COL8A1: variants seen among roughly 807,000 people sequenced by gnomAD.
COL8A1 encodes collagen alpha-1(VIII) chain.
A neutral mutation model predicts 42.7 loss-of-function variants in COL8A1; 21 were observed. The observed-to-expected ratio is 0.49, with a 90% CI of 0.35 to 0.71. The LOEUF (loss-of-function observed/expected upper bound fraction) is 0.71, where lower values mean the gene tolerates loss of function less well. Among genes scored for constraint, COL8A1 ranks in the 30% least tolerant of loss-of-function variants. The pLI is 0.01. For synonymous variants in COL8A1, 367 were observed against 369.1 expected (o/e 0.99, Z 0.06); for missense variants, 788 against 962.4 (o/e 0.82, Z 2.40).
Position 99,642,355 on chromosome 3 carries a change from G to A in COL8A1, c.-129+3691G>A, listed in dbSNP as rs770084375. Among the ~76,000 whole-genome samples the A allele has an allele frequency of 3.9e-5, 6 of 152,116 alleles. No homozygotes were observed. The East Asian group carries it at 5.8e-4, about 15-fold the overall frequency. Reference sequence around the variant, plus strand: ...TTAGAATGTCTACAAGCCTGAAGTCGTGTGTACTCAAATTCATGAAGCCAT... The same window carrying A: ...TTAGAATGTCTACAAGCCTGAAGTCATGTGTACTCAAATTCATGAAGCCAT... On this transcript the variant is annotated intron_variant, in intron 1 of 3. Coordinates refer to ENST00000652472, the MANE Select transcript of COL8A1 (RefSeq NM_020351.4).
intron 1 of COL8A1, among the ~76,000 whole-genome samples, chr3:99,710,371 C>T (rs368477324): frequency 6.6e-6 from 1 of 152,040 alleles, no homozygotes; most frequent in Admixed American, 6.6e-5. Context: ...CCACTATCTC[C>T]GTCCCCTCCA....
At chr3:99,700,920 A>G (rs1274640638) in intron 1 of COL8A1, among the ~76,000 whole-genome samples, 2 of 152,134 alleles carry the variant, frequency 1.3e-5, no homozygotes, top group Non-Finnish European at 2.9e-5. Context: ...CCTGACTTAC[A>G]CTTGGTAAGT....
chr3:99,686,957 G>A (rs981127148), intron 1 of COL8A1, among the ~76,000 whole-genome samples: 5 of 152,102 alleles, frequency 3.3e-5, no homozygotes, highest in African/African-American at 7.2e-5. Flanking sequence ...TGCAACCCCT[G>A]CCTCCCTCCC....
At chr3:99,682,003 C>T (rs1938897344) in intron 1 of COL8A1, among the ~76,000 whole-genome samples, 1 of 152,196 alleles carries the variant, frequency 6.6e-6, no homozygotes, top group Non-Finnish European at 1.5e-5. Context: ...CTGAGTCTCA[C>T]ATAATTAGCT....
intron 1 of COL8A1, among the ~76,000 whole-genome samples, chr3:99,738,849 C>G (rs1391870235): frequency 6.6e-6 from 1 of 152,194 alleles, no homozygotes. Flanking sequence ...AGTTTGATCT[C>G]AGACTGCTGT....
intron 2 of COL8A1, among the ~76,000 whole-genome samples, chr3:99,774,139 C>T (rs921736724): frequency 2.6e-5 from 4 of 151,194 alleles, no homozygotes; most frequent in Admixed American, 6.6e-5. Flanking sequence ...GCCACCACGC[C>T]CAACCCGATA....
chr3:99,697,641 G>A (rs1296176325), intron 1 of COL8A1, among the ~76,000 whole-genome samples: 2 of 152,134 alleles, frequency 1.3e-5, no homozygotes, highest in Non-Finnish European at 2.9e-5. Flanking sequence ...TTCTAACAAT[G>A]AGGACTACAA....
At chr3:99,688,883 T>C (rs933271022) in intron 1 of COL8A1, among the ~76,000 whole-genome samples, 5 of 152,174 alleles carry the variant, frequency 3.3e-5, no homozygotes, top group Admixed American at 1.3e-4. Context: ...GGCTGACCTG[T>C]GCATTGTGAG....
intron 1 of COL8A1, among the ~76,000 whole-genome samples, chr3:99,733,442 T>A (rs1940589465): frequency 6.9e-6 from 1 of 144,526 alleles, no homozygotes; most frequent in Non-Finnish European, 1.5e-5. Context: ...AATGATGATT[T>A]CCAATTTCAT....
Position 99,672,427 on chromosome 3 carries a change from G to A in COL8A1, c.-129+33763G>A, listed in dbSNP as rs557745571. Among the ~76,000 whole-genome samples the A allele has an allele frequency of 2.0e-5, 3 of 151,706 alleles. No individual in the cohort carries two copies. In the Middle Eastern group the frequency reaches 0.01, roughly 516 times the overall value. On this transcript the variant is annotated intron_variant, in intron 1 of 3. Coordinates refer to ENST00000652472, the MANE Select transcript of COL8A1 (RefSeq NM_020351.4). Reference sequence around the variant, plus strand: ...TTTATCTCATTGGATTACATTCTGAGTGCTTTCTTTATGTAGTCAGCTTAT... The same window carrying A: ...TTTATCTCATTGGATTACATTCTGAATGCTTTCTTTATGTAGTCAGCTTAT...
chr3:99,682,217 C>A (rs1200018137), intron 1 of COL8A1, among the ~76,000 whole-genome samples: 1 of 152,048 alleles, frequency 6.6e-6, no homozygotes, highest in Non-Finnish European at 1.5e-5. Flanking sequence ...GAGTTCAAGA[C>A]CAGCTTGGGC....
At chr3:99,747,644 A>C (rs758823644) in intron 2 of COL8A1, among the ~76,000 whole-genome samples, 8 of 152,192 alleles carry the variant, frequency 5.3e-5, no homozygotes, top group Non-Finnish European at 1.2e-4. Flanking sequence ...ATATTATACG[A>C]CAGCAATAAA....
At chr3:99,716,640 A>G (rs771611063) in intron 1 of COL8A1, among the ~76,000 whole-genome samples, 5 of 151,998 alleles carry the variant, frequency 3.3e-5, no homozygotes, top group Non-Finnish European at 7.4e-5. Context: ...CGGATGACTC[A>G]TGATCCCCCT....
chr3:99,735,487 C>T (rs1940675854), intron 1 of COL8A1, among the ~76,000 whole-genome samples: 1 of 144,126 alleles, frequency 6.9e-6, no homozygotes, highest in South Asian at 2.3e-4. Flanking sequence ...AGCCTTGCAT[C>T]TCAGGGATGA....
At position 99,796,999 on chromosome 3, in the gene COL8A1, T is replaced by G. The variant is rs986865710; in HGVS notation, c.*863T>G. On this transcript the variant is annotated 3_prime_UTR_variant, in exon 4 of 4. Transcript: ENST00000652472. ...CTATTTTCTTTCCTCCATGTAATTT[T>G]CACTATGGCCCAACTAATATAAACA... 1 of 152,210 alleles carries G rather than the reference T, an allele frequency of 6.6e-6. No homozygotes were observed. The highest frequency in any genetic ancestry group is 1.5e-5 in the Non-Finnish European group (1 of 68,022). 9.4% of individuals were successfully genotyped at this position (152,210 alleles called of 1,614,324 possible).
intron 1 of COL8A1, among the ~76,000 whole-genome samples, chr3:99,683,879 C>T (rs954976219): frequency 2.0e-5 from 3 of 152,082 alleles, no homozygotes; most frequent in Non-Finnish European, 4.4e-5. Flanking sequence ...TGTGACTGGA[C>T]TTTGTCTCTA....
chr3:99,754,624 G>A (rs1374176901), intron 2 of COL8A1, among the ~76,000 whole-genome samples: 1 of 152,052 alleles, frequency 6.6e-6, no homozygotes, highest in African/African-American at 2.4e-5. Context: ...CTGTGCACCT[G>A]AGCTCTGCAT....
intron 1 of COL8A1, among the ~76,000 whole-genome samples, chr3:99,641,550 AT>A (rs1165158611): frequency 1.3e-5 from 2 of 152,224 alleles, no homozygotes; most frequent in African/African-American, 4.8e-5. Flanking sequence ...TAACTAACAG[AT>A]GGGTCACGTC....
At chr3:99,648,164 G>A (rs748586582) in intron 1 of COL8A1, among the ~76,000 whole-genome samples, 2 of 152,056 alleles carry the variant, frequency 1.3e-5, no homozygotes, top group African/African-American at 2.4e-5. Flanking sequence ...CCAATTTAAC[G>A]ATGAGAAAAA....
Sources: allele counts gnomAD v4.1 joint callset (sites outside exome capture counted in the v4.1 genomes callset), GRCh38; gene constraint gnomAD v4.1.1; transcripts MANE v1.5; gene names NCBI Gene and HGNC (gene_info 2026-07-23, HGNC 2026-07-21).